Variants in ETV1 observed in about 807,000 individuals in gnomAD.
ETV1 encodes ETS variant transcription factor 1.
In ETV1, 27 loss-of-function variants were observed where a neutral mutation model predicts 62.3. The ratio of observed to expected loss-of-function variants is 0.43; its 90% confidence interval spans 0.32 to 0.60. The LOEUF is 0.60. ETV1 is among the 20% of genes least tolerant of loss of function. The pLI, the probability that ETV1 is intolerant of heterozygous loss-of-function variation, is 0.06. For synonymous variants in ETV1, 222 were observed against 199.6 expected, an observed-to-expected ratio of 1.11 and a Z score of -0.94; for missense variants, 605 against 605.8, an observed-to-expected ratio of 1.00 and a Z score of 0.01.
Position 13,892,328 on chromosome 7 carries a change from T to C in ETV1, c.*3538A>G, listed in dbSNP as rs1383878325. The C allele has an allele frequency of 4.3e-6, 1 of 232,632 alleles. No homozygotes were observed. Among genetic ancestry groups the C allele is most frequent in the Non-Finnish European group, 8.5e-6 (1 of 117,808 alleles). 14.4% of individuals were successfully genotyped at this position (232,632 alleles called of 1,614,324 possible). ...GGATTTGAATAATCTAAAGGCTTGA[T>C]GTGATTACCAGACATTTTAGTGGAA... On this transcript the variant is annotated 3_prime_UTR_variant, in exon 14 of 14. Transcript: ENST00000430479.
At chr7:13,909,363 C>A (rs1230235370) in intron 11 of ETV1, among the ~76,000 whole-genome samples, 6 of 152,100 alleles carry the variant, frequency 3.9e-5, no homozygotes, top group African/African-American at 1.4e-4. Context: ...AATGGAAAGC[C>A]CCCTCTTACG....
intron 5 of ETV1, among the ~76,000 whole-genome samples, chr7:13,980,176 C>T (rs890853578): frequency 1.3e-5 from 2 of 152,052 alleles, no homozygotes; most frequent in African/African-American, 4.8e-5. Flanking sequence ...TCTTAAGAAA[C>T]TGAATAGACC....
At chr7:13,981,451 G>A (rs1313483377) in intron 5 of ETV1, among the ~76,000 whole-genome samples, 3 of 151,968 alleles carry the variant, frequency 2.0e-5, no homozygotes, top group Non-Finnish European at 4.4e-5. Flanking sequence ...CTCTGTCTCA[G>A]AGCTCAGATC....
chr7:13,986,794 G>A, intron 4 of ETV1, 109 bp from the exon 5 acceptor site: 1 of 822,550 alleles, frequency 1.2e-6, no homozygotes. Context: ...AATTTCAAGA[G>A]ACGCAGTCAA....
chr7:13,961,731 C>T (rs1267874399), intron 6 of ETV1, among the ~76,000 whole-genome samples: 2 of 152,140 alleles, frequency 1.3e-5, no homozygotes, highest in African/African-American at 4.8e-5. Context: ...ACATAAGATG[C>T]TAACTGATCC....
At chr7:13,963,305 G>A (rs1470426528) in intron 6 of ETV1, among the ~76,000 whole-genome samples, 1 of 151,896 alleles carries the variant, frequency 6.6e-6, no homozygotes, top group East Asian at 1.9e-4. Context: ...ATGAAAAAAA[G>A]CCACGGTAAG....
At chr7:13,945,034 T>A (rs1787996198) in intron 6 of ETV1, among the ~76,000 whole-genome samples, 1 of 152,090 alleles carries the variant, frequency 6.6e-6, no homozygotes, top group African/African-American at 2.4e-5. Context: ...CCTGCTGACA[T>A]CCTTCATCTT....
At chr7:13,909,764 T>A in intron 10 of ETV1, 64 bp from the exon 11 acceptor site, 2 of 1,304,822 alleles carry the variant, frequency 1.5e-6, no homozygotes, top group South Asian at 1.2e-5. Context: ...ACTTAAAATA[T>A]AACCATTTAA....
At position 13,916,943 on chromosome 7, in the gene ETV1, A is replaced by C. The variant is rs1004859260; in HGVS notation, c.803-5636T>G. On this transcript the variant is annotated intron_variant, in intron 9 of 13. Transcript: ENST00000430479. Reference sequence around the variant, plus strand: ...CCAGACCTTGTCCAAAAAAAAAAAAAAGTAAAAGTAAAGTAAAGAAAGAAA... The same window carrying C: ...CCAGACCTTGTCCAAAAAAAAAAAACAGTAAAAGTAAAGTAAAGAAAGAAA... Among the ~76,000 whole-genome samples the C allele has an allele frequency of 6.6e-5, 10 of 152,104 alleles. No homozygotes were observed. In the South Asian group the frequency reaches 2.1e-3, roughly 32 times the overall value.
intron 8 of ETV1, among the ~76,000 whole-genome samples, chr7:13,935,262 A>G (rs967221431): frequency 6.6e-6 from 1 of 152,176 alleles, no homozygotes; most frequent in Non-Finnish European, 1.5e-5. Flanking sequence ...TAATCAAATA[A>G]GTTATATTCT....
At chr7:13,988,047 G>C in intron 4 of ETV1, 39 bp downstream of exon 4, 1 of 1,162,610 alleles carries the variant, frequency 8.6e-7, no homozygotes, top group Non-Finnish European at 1.3e-6. Context: ...GGAGAGTGTA[G>C]GTAAAAAAAT....
chr7:13,988,642 AC>A (rs1415692185), intron 3 of ETV1: 36 of 1,558,122 alleles, frequency 2.3e-5, no homozygotes, highest in Non-Finnish European at 3.0e-5. Flanking sequence ...AAACAAAAAC[AC>A]CCCATATAAA....
intron 6 of ETV1, among the ~76,000 whole-genome samples, chr7:13,964,298 G>A (rs188932994): frequency 1.3e-5 from 2 of 152,276 alleles, no homozygotes; most frequent in African/African-American, 4.8e-5. Flanking sequence ...ATAGGGATGA[G>A]CCATTTTTAA....
At chr7:13,933,567 T>C (rs1014478629) in intron 8 of ETV1, among the ~76,000 whole-genome samples, 3 of 152,172 alleles carry the variant, frequency 2.0e-5, no homozygotes, top group African/African-American at 7.2e-5. Flanking sequence ...TGCAGGCCAG[T>C]TGGCCGTAAA....
intron 9 of ETV1, among the ~76,000 whole-genome samples, chr7:13,929,973 T>G (rs1469852131): frequency 6.6e-6 from 1 of 152,258 alleles, no homozygotes; most frequent in East Asian, 1.9e-4. Context: ...TTTTCTTTAC[T>G]CAAGTAGACT....
At chr7:13,947,985 C>T (rs1336228261) in intron 6 of ETV1, among the ~76,000 whole-genome samples, 1 of 152,180 alleles carries the variant, frequency 6.6e-6, no homozygotes, top group Non-Finnish European at 1.5e-5. Context: ...ATACATGTAT[C>T]TGTATGTATG....
intron 8 of ETV1, among the ~76,000 whole-genome samples, chr7:13,935,088 C>T (rs1312710171): frequency 6.6e-6 from 1 of 152,134 alleles, no homozygotes; most frequent in African/African-American, 2.4e-5. Flanking sequence ...CATGAATTAC[C>T]TAACGCAGTA....
intron 6 of ETV1, among the ~76,000 whole-genome samples, chr7:13,964,350 C>T (rs192929041): frequency 1.3e-3 from 194 of 152,148 alleles, no homozygotes; most frequent in African/African-American, 4.4e-3. Context: ...ACAACTTTTG[C>T]TGGTAACTCT....
chr7:13,905,197 G>T (rs924511439), intron 12 of ETV1, among the ~76,000 whole-genome samples: 3 of 151,918 alleles, frequency 2.0e-5, no homozygotes, highest in South Asian at 2.1e-4. Flanking sequence ...CATCAAATTA[G>T]GGCATATTAT....
Sources: gnomAD v4.1 joint callset for allele counts (sites outside exome capture counted in the v4.1 genomes callset) on GRCh38, gnomAD v4.1.1 for gene constraint, MANE v1.5 for transcripts, NCBI Gene and HGNC (gene_info 2026-07-23, HGNC 2026-07-21) for gene names.